KATNIP: variants seen among roughly 807,000 people sequenced by gnomAD.
KATNIP encodes katanin-interacting protein.
KATNIP carries 126 observed loss-of-function variants against 174.0 expected under a neutral mutation model. That is an observed-to-expected ratio of 0.72 (90% CI 0.63 to 0.84). KATNIP has a LOEUF of 0.84. Ranked by LOEUF, KATNIP falls within the 40% of genes least tolerant of loss-of-function variation. The probability of loss-of-function intolerance (pLI) is 0.00; values close to 1 mark genes in which losing one functional copy is unlikely to be tolerated. For missense variants in KATNIP, 1,958 were observed against 2,109.7 expected (o/e 0.93, Z 1.41); for synonymous variants, 810 against 835.7 (o/e 0.97, Z 0.53).
chr16:27,653,184 G>A (rs2077169627), intron 6 of KATNIP, among the ~76,000 whole-genome samples: 1 of 152,190 alleles, frequency 6.6e-6, no homozygotes, highest in African/African-American at 2.4e-5. Flanking sequence ...CTCGTTCCCA[G>A]TGAGTGGTAT....
intron 2 of KATNIP, among the ~76,000 whole-genome samples, chr16:27,615,464 C>T (rs759491090): frequency 5.3e-4 from 81 of 152,202 alleles, no homozygotes; most frequent in African/African-American, 1.9e-3. Flanking sequence ...AAGCGATTCT[C>T]CTGCCTCAGC....
intron 14 of KATNIP, among the ~76,000 whole-genome samples, chr16:27,731,651 G>A (rs922189132): frequency 4.0e-5 from 6 of 149,238 alleles, no homozygotes; most frequent in African/African-American, 1.2e-4. Flanking sequence ...ACAGAGTCTT[G>A]CTCTGTTCCC....
At chr16:27,647,200 A>G (rs902529553) in intron 5 of KATNIP, among the ~76,000 whole-genome samples, 1 of 152,204 alleles carries the variant, frequency 6.6e-6, no homozygotes, top group Non-Finnish European at 1.5e-5. Context: ...TCCAAAGGAT[A>G]CTAGAAGAAA....
intron 16 of KATNIP, among the ~76,000 whole-genome samples, chr16:27,750,814 C>T (rs1276373167): frequency 6.9e-6 from 1 of 144,872 alleles, no homozygotes; most frequent in East Asian, 2.0e-4. Context: ...ACTGCAGCTT[C>T]GACCTCCTGG....
At position 27,652,025 on chromosome 16, in the gene KATNIP, T is replaced by C. The variant is rs116108212; in HGVS notation, c.540+3290T>C. On this transcript the variant is annotated intron_variant, in intron 6 of 27. Coordinates refer to ENST00000261588, the MANE Select transcript of KATNIP (RefSeq NM_015202.5). ...GTGAGCCACCATGCCCAGGCAAGGG[T>C]TCCACATTCTTATACACTAACAGTG... Among the ~76,000 whole-genome samples, 1,117 of 152,028 alleles carry C rather than the reference T, an allele frequency of 7.3e-3. 23 individuals carry two copies. The highest frequency in any genetic ancestry group is 0.025 in the African/African-American group (1,054 of 41,448).
intron 2 of KATNIP, among the ~76,000 whole-genome samples, chr16:27,590,491 A>G (rs1596824917): frequency 6.6e-6 from 1 of 152,048 alleles, no homozygotes; most frequent in African/African-American, 2.4e-5. Context: ...TGTAGATGCT[A>G]TAGATTGCTG....
intron 14 of KATNIP, among the ~76,000 whole-genome samples, chr16:27,726,901 G>A (rs2080472512): frequency 1.3e-5 from 2 of 152,214 alleles, no homozygotes; most frequent in South Asian, 4.1e-4. Flanking sequence ...GGTCCCAGAG[G>A]GAGGTGGGGA....
At chr16:27,599,384 A>G (rs1210075124) in intron 2 of KATNIP, among the ~76,000 whole-genome samples, 3 of 152,146 alleles carry the variant, frequency 2.0e-5, no homozygotes, top group Admixed American at 6.5e-5. Context: ...CTGAGTGGCT[A>G]TTGAGATGGG....
chr16:27,710,832 A>G (rs1314340983), intron 13 of KATNIP, among the ~76,000 whole-genome samples: 1 of 152,168 alleles, frequency 6.6e-6, no homozygotes, highest in African/African-American at 2.4e-5. Context: ...TAATAGTATT[A>G]ATACCACTGG....
chr16:27,674,420 T>C (rs1011616049), intron 6 of KATNIP, among the ~76,000 whole-genome samples: 1 of 152,222 alleles, frequency 6.6e-6, no homozygotes, highest in Non-Finnish European at 1.5e-5. Flanking sequence ...TTCTGGAGGC[T>C]CGAGAGGAAA....
intron 2 of KATNIP, among the ~76,000 whole-genome samples, chr16:27,609,297 C>T (rs1312151710): frequency 7.1e-6 from 1 of 140,546 alleles, no homozygotes; most frequent in Non-Finnish European, 1.5e-5. Context: ...GGAGAGGGGG[C>T]GTGCAGTGTG....
Position 27,740,314 on chromosome 16 carries a change from T to G in KATNIP, c.2017T>G (p.Ser673Ala). Reference sequence around the variant, plus strand: ...AACATTAGCGGATGCAAAGCTTTCTTCACAAGGAAATGTGTCTGGCAAAAG... The same window carrying G: ...AACATTAGCGGATGCAAAGCTTTCTGCACAAGGAAATGTGTCTGGCAAAAG... ...AETLADAKLS[S>A]QGNVSGKRKN... The change falls in exon 15 of 28, where the codon TCA becomes GCA. Residue 673 changes from serine (S) to alanine (A), a missense_variant. Coordinates refer to ENST00000261588, the MANE Select transcript of KATNIP (RefSeq NM_015202.5). The G allele has an allele frequency of 6.2e-7, 1 of 1,614,248 alleles. No individual in the cohort carries two copies. Among genetic ancestry groups the G allele is most frequent in the Non-Finnish European group, 8.5e-7 (1 of 1,180,046 alleles).
chr16:27,594,091 C>CAA (rs902883216), intron 2 of KATNIP, among the ~76,000 whole-genome samples: 4 of 131,836 alleles, frequency 3.0e-5, no homozygotes, highest in African/African-American at 5.6e-5. Context: ...CTCGTCTGTA[C>CAA]AAAAAAAAAA....
intron 14 of KATNIP, among the ~76,000 whole-genome samples, chr16:27,737,642 A>G (rs1481791565): frequency 2.6e-5 from 4 of 152,236 alleles, no homozygotes; most frequent in East Asian, 1.9e-4. Context: ...GGAGTCGGGC[A>G]GGCTCAGCCA....
At chr16:27,615,102 C>T (rs2076002628) in intron 2 of KATNIP, among the ~76,000 whole-genome samples, 1 of 152,120 alleles carries the variant, frequency 6.6e-6, no homozygotes, top group African/African-American at 2.4e-5. Flanking sequence ...TCATTCAGCA[C>T]TGCAGATGCA....
chr16:27,606,542 A>G (rs2075712427), intron 2 of KATNIP, among the ~76,000 whole-genome samples: 1 of 151,778 alleles, frequency 6.6e-6, no homozygotes, highest in South Asian at 2.1e-4. Flanking sequence ...CACACACTTC[A>G]AACTGGCCCA....
intron 13 of KATNIP, among the ~76,000 whole-genome samples, chr16:27,720,132 G>A (rs772070943): frequency 3.9e-5 from 6 of 152,052 alleles, no homozygotes; most frequent in Middle Eastern, 3.2e-3. Flanking sequence ...TCCTGGAGAC[G>A]GAGTTTGGAG....
At chr16:27,576,360 T>G (rs2090496133) in intron 2 of KATNIP, among the ~76,000 whole-genome samples, 1 of 152,148 alleles carries the variant, frequency 6.6e-6, no homozygotes, top group African/African-American at 2.4e-5. Flanking sequence ...TGGAAAGATA[T>G]TTCACTTGGT....
At chr16:27,573,815 C>T in intron 1 of KATNIP, 86 bp from the exon 2 acceptor site, 1 of 1,196,408 alleles carries the variant, frequency 8.4e-7, no homozygotes, top group Non-Finnish European at 1.2e-6. Context: ...CCCATCTATT[C>T]AGTTTGCAAA....
Sources: allele counts gnomAD v4.1 joint callset (sites outside exome capture counted in the v4.1 genomes callset), GRCh38; gene constraint gnomAD v4.1.1; transcripts MANE v1.5; gene names NCBI Gene and HGNC (gene_info 2026-07-23, HGNC 2026-07-21).